CTCF: variants seen among roughly 807,000 people sequenced by gnomAD.
CTCF encodes CCCTC-binding factor.
Under a neutral mutation model 72.3 loss-of-function variants are expected in CTCF, and 7 were observed. The observed-to-expected ratio is 0.10, with a 90% CI of 0.06 to 0.18. CTCF has a LOEUF of 0.18. CTCF is among the 10% of genes least tolerant of loss of function. The probability of loss-of-function intolerance (pLI) is 1.00; values close to 1 mark genes in which losing one functional copy is unlikely to be tolerated. For synonymous variants in CTCF, 374 were observed against 315.8 expected (o/e 1.18, Z -1.95); for missense variants, 516 against 949.1 (o/e 0.54, Z 6.00).
chr16:67,626,914 C>G, intron 8 of CTCF, 199 bp downstream of exon 8: 1 of 392,184 alleles, frequency 2.5e-6, no homozygotes, highest in Non-Finnish European at 4.5e-6. Context: ...TATTCAGTCA[C>G]AGCTTACCTC....
At chr16:67,602,582 CTTT>C (rs1319993758) in intron 2 of CTCF, among the ~76,000 whole-genome samples, 1 of 152,006 alleles carries the variant, frequency 6.6e-6, no homozygotes, top group Non-Finnish European at 1.5e-5. Context: ...TGGTTCATGT[CTTT>C]AATCCCAGCA....
chr16:67,606,843 A>G (rs2051980495), intron 2 of CTCF, among the ~76,000 whole-genome samples: 2 of 150,768 alleles, frequency 1.3e-5, no homozygotes, highest in Admixed American at 6.6e-5. Flanking sequence ...GCTCACTGCA[A>G]TCTCCGCCTC....
At chr16:67,604,812 T>A (rs952316146) in intron 2 of CTCF, among the ~76,000 whole-genome samples, 3 of 150,630 alleles carry the variant, frequency 2.0e-5, no homozygotes, top group Admixed American at 6.6e-5. Flanking sequence ...ATAATGTGGC[T>A]TATGTTTGTG....
chr16:67,629,614 G>A, intron 10 of CTCF, 81 bp downstream of exon 10: 1 of 1,430,214 alleles, frequency 7.0e-7, no homozygotes, highest in South Asian at 1.4e-5. Context: ...TGGATATGCT[G>A]GGATATAGAG....
chr16:67,589,453 G>T (rs2051710086), intron 2 of CTCF, among the ~76,000 whole-genome samples: 1 of 152,068 alleles, frequency 6.6e-6, no homozygotes, highest in Non-Finnish European at 1.5e-5. Context: ...TGTCAGGCAA[G>T]GTCCACCTCA....
At chr16:67,574,426 C>T (rs1421212102) in intron 2 of CTCF, among the ~76,000 whole-genome samples, 1 of 152,058 alleles carries the variant, frequency 6.6e-6, no homozygotes, top group African/African-American at 2.4e-5. Context: ...ACTGCAACTT[C>T]CCCCTCCCAG....
At chr16:67,563,357 T>TCGC in intron 1 of CTCF, 1 of 151,962 alleles carries the variant, frequency 6.6e-6, no homozygotes, top group East Asian at 2.0e-4. Context: ...AGTCCGCGCG[T>TCGC]CGCCGCCGCT....
At chr16:67,594,577 G>T (rs1305395506) in intron 2 of CTCF, among the ~76,000 whole-genome samples, 2 of 151,966 alleles carry the variant, frequency 1.3e-5, no homozygotes, top group African/African-American at 4.8e-5. Context: ...ATAGTGATGC[G>T]TAAAAAAACT....
chr16:67,612,087 C>G lies in CTCF; in HGVS notation c.918C>G (p.Val306=), dbSNP rs746623469. ...TCTGTGGCAGGGCATTCAGAACAGT[C>G]ACCCTCCTGAGGAATCACCTTAACA... is the stretch of plus-strand genomic sequence containing the variant. ...CHLCGRAFRT[V]TLLRNHLNTH... The change falls in exon 4 of 12, where the codon GTC becomes GTG. Residue 306 remains valine (V), a synonymous_variant. Transcript: ENST00000264010. The G allele has an allele frequency of 6.2e-7, 1 of 1,614,162 alleles. No individual in the cohort carries two copies. Among genetic ancestry groups the G allele is most frequent in the Non-Finnish European group, 8.5e-7 (1 of 1,180,014 alleles).
At chr16:67,602,842 CAA>C (rs75191313) in intron 2 of CTCF, among the ~76,000 whole-genome samples, 50 of 55,320 alleles carry the variant, frequency 9.0e-4, no homozygotes, top group African/African-American at 2.2e-3. Context: ...ACTCCATCTC[CAA>C]AAAAAAAAAA....
intron 2 of CTCF, among the ~76,000 whole-genome samples, chr16:67,581,065 A>T (rs2051574381): frequency 6.6e-6 from 1 of 151,908 alleles, no homozygotes; most frequent in African/African-American, 2.4e-5. Flanking sequence ...AGAAGCTGGG[A>T]CTACAGGCAC....
At chr16:67,601,241 TGTGTGTGTG>T (rs1273626204) in intron 2 of CTCF, among the ~76,000 whole-genome samples, 2 of 148,098 alleles carry the variant, frequency 1.4e-5, no homozygotes, top group African/African-American at 5.0e-5. Context: ...TGTGTGTGTG[TGTGTGTGTG>T]TGTGTTTTGT....
chr16:67,587,743 G>A (rs1203507972), intron 2 of CTCF, among the ~76,000 whole-genome samples: 2 of 151,980 alleles, frequency 1.3e-5, no homozygotes, highest in Non-Finnish European at 2.9e-5. Flanking sequence ...GGGTGACATA[G>A]CAAGACCCCA....
intron 2 of CTCF, among the ~76,000 whole-genome samples, chr16:67,594,062 T>A (rs2051780286): frequency 6.6e-6 from 1 of 152,204 alleles, no homozygotes; most frequent in Non-Finnish European, 1.5e-5. Context: ...GGCAGGATTT[T>A]AAAAAATCTA....
intron 4 of CTCF, chr16:67,616,365 C>G (rs533810191): frequency 3.4e-5 from 6 of 176,576 alleles, no homozygotes; most frequent in Non-Finnish European, 7.3e-5. Flanking sequence ...CCAGGCTGGT[C>G]TCAAACTCTT....
At chr16:67,611,826 A>T in intron 3 of CTCF, 125 bp from the exon 4 acceptor site, 1 of 966,198 alleles carries the variant, frequency 1.0e-6, no homozygotes, top group Non-Finnish European at 1.6e-6. Context: ...GACATGAGAT[A>T]ATTATGACTT....
At chr16:67,593,113 A>G (rs919811147) in intron 2 of CTCF, among the ~76,000 whole-genome samples, 1 of 149,568 alleles carries the variant, frequency 6.7e-6, no homozygotes, top group Non-Finnish European at 1.5e-5. Context: ...ATTTTAATAT[A>G]TGGTTTTTAA....
At chr16:67,575,262 ATAAG>A (rs964972754) in intron 2 of CTCF, among the ~76,000 whole-genome samples, 32 of 152,226 alleles carry the variant, frequency 2.1e-4, no homozygotes, top group African/African-American at 2.9e-4. Flanking sequence ...CAATAAACAA[ATAAG>A]TAAGTAAGAA....
At chr16:67,616,919 C>A (rs1353637480) in intron 5 of CTCF, 41 bp downstream of exon 5, 4 of 1,593,048 alleles carry the variant, frequency 2.5e-6, no homozygotes, top group African/African-American at 2.7e-5. Context: ...CTTAGGCAGA[C>A]CATGATTTAT....
Sources: gnomAD v4.1 joint callset for allele counts (sites outside exome capture counted in the v4.1 genomes callset) on GRCh38, gnomAD v4.1.1 for gene constraint, MANE v1.5 for transcripts, NCBI Gene and HGNC (gene_info 2026-07-23, HGNC 2026-07-21) for gene names.